Variants in PTPRT observed in about 807,000 individuals in gnomAD.
The protein encoded by PTPRT is receptor-type tyrosine-protein phosphatase T.
In PTPRT, 56 loss-of-function variants were observed where a neutral mutation model predicts 176.8. That is an observed-to-expected ratio of 0.32 (90% CI 0.26 to 0.40). The LOEUF is 0.40. Among genes scored for constraint, PTPRT ranks in the 10% least tolerant of loss-of-function variants. The pLI is 1.00. For synonymous variants in PTPRT, 783 were observed against 739.0 expected, an observed-to-expected ratio of 1.06 and a Z score of -0.96; for missense variants, 1,540 against 1,908.2, an observed-to-expected ratio of 0.81 and a Z score of 3.60.
chr20:42,714,245 G>C (rs1400501502), intron 6 of PTPRT, among the ~76,000 whole-genome samples: 1 of 152,120 alleles, frequency 6.6e-6, no homozygotes, highest in Non-Finnish European at 1.5e-5. Flanking sequence ...TAGAGAAAAG[G>C]CAAGACCACA....
At chr20:42,808,178 T>G (rs2077641073) in intron 2 of PTPRT, among the ~76,000 whole-genome samples, 1 of 152,212 alleles carries the variant, frequency 6.6e-6, no homozygotes, top group South Asian at 2.1e-4. Context: ...CTGCGTCAAC[T>G]CACTTCCTCC....
rs1446520009 is a variant in PTPRT at position 42,270,497 on chromosome 20, A to C, written c.2176+11992T>G. ...GTCCCCAGGCAGCATGCAGAAGAGA[A>C]GGAGAGAAAGAAACACACATGAAAA... On this transcript the variant is annotated intron_variant, in intron 13 of 30. Transcript: ENST00000373187. 3 of 1,535,078 alleles carry C rather than the reference A, an allele frequency of 2.0e-6. No individual in the cohort carries two copies. The Admixed American group carries it at 5.9e-5, about 30-fold the overall frequency.
At chr20:42,624,840 T>C (rs972151521) in intron 7 of PTPRT, among the ~76,000 whole-genome samples, 1 of 152,120 alleles carries the variant, frequency 6.6e-6, no homozygotes, top group Non-Finnish European at 1.5e-5. Flanking sequence ...CAGCCTACAA[T>C]GGCAAAATGC....
At chr20:42,354,101 A>G (rs1383027040) in intron 9 of PTPRT, among the ~76,000 whole-genome samples, 1 of 152,156 alleles carries the variant, frequency 6.6e-6, no homozygotes, top group Non-Finnish European at 1.5e-5. Flanking sequence ...ACATACAGAA[A>G]AGCATAACTC....
intron 1 of PTPRT, among the ~76,000 whole-genome samples, chr20:43,101,028 G>A (rs949157860): frequency 6.6e-6 from 1 of 152,092 alleles, no homozygotes; most frequent in African/African-American, 2.4e-5. Flanking sequence ...GCACGTTTAA[G>A]AAATTTCTGG....
chr20:42,236,120 G>T, intron 15 of PTPRT, 109 bp downstream of exon 15: 2 of 966,110 alleles, frequency 2.1e-6, no homozygotes, highest in Non-Finnish European at 3.1e-6. Context: ...AGACAACTTA[G>T]ACAGAAGTGA....
intron 12 of PTPRT, among the ~76,000 whole-genome samples, chr20:42,289,109 C>T (rs932420572): frequency 1.3e-5 from 2 of 151,880 alleles, no homozygotes; most frequent in African/African-American, 2.4e-5. Flanking sequence ...TACCTCTCAC[C>T]ATATAAAAAT....
rs947955667 is a variant in PTPRT at position 42,481,809 on chromosome 20, C to T, written c.1154-9247G>A. Among the ~76,000 whole-genome samples, 21 of 146,258 alleles carry T rather than the reference C, an allele frequency of 1.4e-4. 1 individual carries two copies. The highest frequency in any genetic ancestry group is 3.0e-4 in the African/African-American group (12 of 39,930). ...ACACACACACACACACACACACGCG[C>T]GCATGTATATATATGGTTATCATAT... is the stretch of plus-strand genomic sequence containing the variant. On this transcript the variant is annotated intron_variant, in intron 7 of 30. Transcript: ENST00000373187.
At chr20:43,152,387 G>A (rs1488852323) in intron 1 of PTPRT, among the ~76,000 whole-genome samples, 1 of 152,150 alleles carries the variant, frequency 6.6e-6, no homozygotes, top group Non-Finnish European at 1.5e-5. Context: ...AAATACATAT[G>A]AATTCATTGC....
intron 16 of PTPRT, among the ~76,000 whole-genome samples, chr20:42,176,994 AAC>A (rs1990321654): frequency 6.6e-6 from 1 of 152,238 alleles, no homozygotes; most frequent in African/African-American, 2.4e-5. Flanking sequence ...CAATGGAAAG[AAC>A]ACAGTTTGGG....
chr20:42,946,406 G>T (rs1980886505), intron 1 of PTPRT, among the ~76,000 whole-genome samples: 1 of 152,160 alleles, frequency 6.6e-6, no homozygotes, highest in South Asian at 2.1e-4. Context: ...ACATACCTGG[G>T]CACTTTTGCT....
chr20:42,486,087 T>A (rs928200098), intron 7 of PTPRT, among the ~76,000 whole-genome samples: 3 of 152,216 alleles, frequency 2.0e-5, no homozygotes, highest in African/African-American at 7.2e-5. Context: ...GCGAAGTACC[T>A]GCTGGCCTTG....
chr20:42,132,250 C>T (rs898805712), intron 18 of PTPRT, among the ~76,000 whole-genome samples: 2 of 152,174 alleles, frequency 1.3e-5, no homozygotes, highest in African/African-American at 4.8e-5. Flanking sequence ...AATCTTAGCT[C>T]CATCACCTAG....
At chr20:43,167,276 C>T (rs1242526818) in intron 1 of PTPRT, among the ~76,000 whole-genome samples, 1 of 152,202 alleles carries the variant, frequency 6.6e-6, no homozygotes, top group Non-Finnish European at 1.5e-5. Context: ...ATTTCAAACT[C>T]TCTTCAAGAC....
intron 7 of PTPRT, among the ~76,000 whole-genome samples, chr20:42,626,081 C>G (rs904529131): frequency 9.9e-5 from 15 of 151,994 alleles, no homozygotes; most frequent in African/African-American, 3.6e-4. Context: ...GACTAACTAT[C>G]GAGCTTTTGT....
Position 42,620,252 on chromosome 20 carries a change from C to T in PTPRT, c.1153+57614G>A, listed in dbSNP as rs1050912259. ...GGGGGTGCCTCCCAGTTAGGCTGCT[C>T]GGGGGTCAGGGGTCAGGGACCCACT... On this transcript the variant is annotated intron_variant, in intron 7 of 30. Coordinates refer to ENST00000373187, the MANE Select transcript of PTPRT (RefSeq NM_007050.6). 5.3e-5 allele frequency among the ~76,000 whole-genome samples: 8 copies of T among 150,278 alleles called. No homozygotes were observed. In the South Asian group the frequency reaches 1.1e-3, roughly 20 times the overall value.
chr20:42,348,545 G>T (rs1418798904), intron 11 of PTPRT, among the ~76,000 whole-genome samples: 1 of 152,146 alleles, frequency 6.6e-6, no homozygotes, highest in Non-Finnish European at 1.5e-5. Context: ...TTTATAGCCT[G>T]AGTCAACTGA....
At chr20:42,559,969 C>A (rs2072924922) in intron 7 of PTPRT, among the ~76,000 whole-genome samples, 1 of 152,204 alleles carries the variant, frequency 6.6e-6, no homozygotes, top group South Asian at 2.1e-4. Flanking sequence ...CACATTTTCT[C>A]TTCCCTGAAC....
intron 2 of PTPRT, among the ~76,000 whole-genome samples, chr20:42,802,007 A>T (rs1186566397): frequency 2.0e-5 from 3 of 152,220 alleles, no homozygotes; most frequent in African/African-American, 7.2e-5. Context: ...GCCAGCATTC[A>T]AATTGAGGTG....
Sources: gnomAD v4.1 joint callset for allele counts (sites outside exome capture counted in the v4.1 genomes callset) on GRCh38, gnomAD v4.1.1 for gene constraint, MANE v1.5 for transcripts, NCBI Gene and HGNC (gene_info 2026-07-23, HGNC 2026-07-21) for gene names.